The following C1QTNF1 variants were observed in gnomAD, a reference collection of about 807,000 sequenced individuals.
The protein encoded by C1QTNF1 is C1q and TNF related 1, also known as complement C1q tumor necrosis factor-related protein 1.
Under a neutral mutation model 27.8 loss-of-function variants are expected in C1QTNF1, and 22 were observed. The ratio of observed to expected loss-of-function variants is 0.79; its 90% CI spans 0.56 to 1.13. C1QTNF1 has a LOEUF of 1.13. Among genes scored for constraint, C1QTNF1 ranks in the 50% most tolerant of loss-of-function variants. The probability of loss-of-function intolerance (pLI) is 0.00; values close to 1 mark genes in which losing one functional copy is unlikely to be tolerated. For synonymous variants in C1QTNF1, 166 were observed against 154.3 expected (o/e 1.08, Z -0.56); for missense variants, 373 against 380.2 (o/e 0.98, Z 0.16).
chr17:79,049,240 G>A lies in C1QTNF1; in HGVS notation c.*1152G>A, dbSNP rs1472349596. 1.3e-5 allele frequency: 2 copies of A among 152,472 alleles called. No homozygotes were observed. The highest frequency in any genetic ancestry group is 3.4e-3 in the Middle Eastern group (1 of 296). The allele number at this position is 152,472 out of a possible 1,614,324, so 9.4% of individuals were successfully genotyped here. On this transcript the variant is annotated 3_prime_UTR_variant, in exon 4 of 4. Transcript: ENST00000579760. The surrounding 1 kb of genome is among the most constrained non-coding windows in gnomAD (Gnocchi z 4.4). ...TTCAGAGCAGGGGAGAGCTGGAAGGGGCTAGAAAGCTCCCGCTTGTCTGTT... is the reference window on the plus strand; with the variant it reads ...TTCAGAGCAGGGGAGAGCTGGAAGGAGCTAGAAAGCTCCCGCTTGTCTGTT...
intron 1 of C1QTNF1, among the ~76,000 whole-genome samples, chr17:79,026,164 T>C (rs998325632): frequency 6.7e-6 from 1 of 149,354 alleles, no homozygotes; most frequent in African/African-American, 2.4e-5. Flanking sequence ...ATATGCTTCT[T>C]TTTTTTTTTG....
Position 79,046,426 on chromosome 17 carries a change from G to A in C1QTNF1, c.156-129G>A. The A allele has an allele frequency of 1.5e-6, 2 of 1,304,862 alleles. No individual in the cohort carries two copies. Among genetic ancestry groups the A allele is most frequent in the Non-Finnish European group, 2.1e-6 (2 of 930,530 alleles). 80.8% of individuals were successfully genotyped at this position (1,304,862 alleles called of 1,614,324 possible). A position where few individuals can be genotyped will look rare whatever the true frequency, so the allele number is the denominator to read the frequency against. ...CCGTGAGCCCACCAGCGTGAACACAGAGCCTTGTGGGTCCAGGTGAGAGAG... is the reference window on the plus strand; with the variant it reads ...CCGTGAGCCCACCAGCGTGAACACAAAGCCTTGTGGGTCCAGGTGAGAGAG... On this transcript the variant is annotated intron_variant, in intron 2 of 3. Transcript: ENST00000579760. This position sits in a 1 kb window ranked among gnomAD's most constrained non-coding sequence, Gnocchi z 4.8.
chr17:79,034,759 C>G (rs1332033257), intron 1 of C1QTNF1, among the ~76,000 whole-genome samples: 1 of 152,234 alleles, frequency 6.6e-6, no homozygotes, highest in Non-Finnish European at 1.5e-5. Flanking sequence ...ACACCTAAGC[C>G]TTAAAAACAA....
chr17:79,048,321 T>G lies in C1QTNF1; in HGVS notation c.*233T>G. On this transcript the variant is annotated 3_prime_UTR_variant, in exon 4 of 4. Transcript: ENST00000579760. ...CACCCGCGAGAACCCTCTGGGACCT[T>G]CCGCGGCCCTCTCTGCACACATCCT... The G allele has an allele frequency of 2.0e-6, 1 of 509,794 alleles. No homozygotes were observed. The highest frequency in any genetic ancestry group is 3.7e-5 in the Admixed American group (1 of 26,826). The allele number at this position is 509,794 out of a possible 1,614,324, so 31.6% of individuals were successfully genotyped here.
At chr17:79,043,860 A>G (rs1363495306) in intron 1 of C1QTNF1, 95 bp from the exon 2 acceptor site, 2 of 1,417,644 alleles carry the variant, frequency 1.4e-6, no homozygotes, top group South Asian at 2.3e-5. Flanking sequence ...AGCACCTCCG[A>G]TTTCCAGGCT....
At chr17:79,040,593 C>T (rs890867517) in intron 1 of C1QTNF1, among the ~76,000 whole-genome samples, 1 of 151,624 alleles carries the variant, frequency 6.6e-6, no homozygotes, top group Non-Finnish European at 1.5e-5. Context: ...TGCAGCCCCC[C>T]TGCTCAAAAA....
chr17:79,028,307 A>C (rs971424171), intron 1 of C1QTNF1, among the ~76,000 whole-genome samples: 2 of 152,210 alleles, frequency 1.3e-5, no homozygotes, highest in African/African-American at 4.8e-5. Flanking sequence ...CATCCCCCTC[A>C]GCAAGACATC....
rs370429681 is a variant in C1QTNF1 at position 79,044,864 on chromosome 17, A to T, written c.155+741A>T. ...GGCTTCAGACTAACTTCAGTGTACG[A>T]TGGGATTGGACAGGATTTGAGGTTG... is the stretch of plus-strand genomic sequence containing the variant. On this transcript the variant is annotated intron_variant, in intron 2 of 3. Transcript: ENST00000579760. Among the ~76,000 whole-genome samples the T allele has an allele frequency of 3.2e-4, 49 of 152,236 alleles. No homozygotes were observed. In the East Asian group the frequency reaches 6.6e-3, roughly 20 times the overall value.
chr17:79,043,404 AGTGTGAGTGTAT>A, intron 1 of C1QTNF1: 1 of 447,708 alleles, frequency 2.2e-6, no homozygotes, highest in South Asian at 1.6e-5. Flanking sequence ...TGTGCATGTG[AGTGTGAGTGTAT>A]GTGTGTTGAC....
intron 1 of C1QTNF1, among the ~76,000 whole-genome samples, chr17:79,035,820 G>A (rs75167679): frequency 0.023 from 3,572 of 152,286 alleles, 120 homozygotes; most frequent in African/African-American, 0.081. Flanking sequence ...GTAAACTGGG[G>A]GCGGGGGCAA....
intron 1 of C1QTNF1, among the ~76,000 whole-genome samples, chr17:79,029,682 C>T (rs1014160235): frequency 6.6e-6 from 1 of 152,230 alleles, no homozygotes; most frequent in Non-Finnish European, 1.5e-5. Context: ...CTGCAGGCCA[C>T]CGGCCCTACT....
intron 1 of C1QTNF1, among the ~76,000 whole-genome samples, chr17:79,027,178 C>T (rs2071991824): frequency 6.6e-6 from 1 of 152,094 alleles, no homozygotes; most frequent in South Asian, 2.1e-4. Context: ...TACACCATCC[C>T]CTGGACGATC....
rs190979911 is a variant in C1QTNF1, at chr17:79,026,443, C to T, written c.-15+1949C>T. Among the ~76,000 whole-genome samples the T allele has an allele frequency of 4.3e-3, 662 of 152,288 alleles. 4 individuals are homozygous for T. The highest frequency in any genetic ancestry group is 0.015 in the African/African-American group (624 of 41,556). ...TGCTGGGATTACAGGGGTGAGCCACCGCGCCTGGCCTCCGGGGCGTATACT... is the reference window on the plus strand; with the variant it reads ...TGCTGGGATTACAGGGGTGAGCCACTGCGCCTGGCCTCCGGGGCGTATACT... On this transcript the variant is annotated intron_variant, in intron 1 of 3. Coordinates refer to ENST00000579760, the MANE Select transcript of C1QTNF1 (RefSeq NM_030968.5).
At chr17:79,023,370 A>G (rs1212394648), upstream of C1QTNF1, among the ~76,000 whole-genome samples, 2 of 152,208 alleles carry the variant, frequency 1.3e-5, no homozygotes, top group Non-Finnish European at 2.9e-5. Context: ...GGGCTGACGC[A>G]GAGTCTAGGG....
intron 1 of C1QTNF1, among the ~76,000 whole-genome samples, chr17:79,035,364 G>A (rs2072239599): frequency 2.0e-5 from 3 of 152,106 alleles, no homozygotes; most frequent in Non-Finnish European, 4.4e-5. Flanking sequence ...TGGCACGAAG[G>A]GGTGGTGATG....
In C1QTNF1 at chr17:79,046,439, C is replaced by G; in HGVS notation, c.156-116C>G. 7.1e-7 allele frequency: 1 copy of G among 1,405,826 alleles called. No homozygotes were observed. Among genetic ancestry groups the G allele is most frequent in the Non-Finnish European group, 9.9e-7 (1 of 1,014,092 alleles). 87.1% of individuals were successfully genotyped at this position (1,405,826 alleles called of 1,614,324 possible). A position where few individuals can be genotyped will look rare whatever the true frequency, so the allele number is the denominator to read the frequency against. ...AGCGTGAACACAGAGCCTTGTGGGT[C>G]CAGGTGAGAGAGTGAGAAGGCAGGT... On this transcript the variant is annotated intron_variant, in intron 2 of 3. Coordinates refer to ENST00000579760, the MANE Select transcript of C1QTNF1 (RefSeq NM_030968.5). The surrounding 1 kb of genome is among the most constrained non-coding windows in gnomAD (Gnocchi z 4.8).
chr17:79,036,150 A>T (rs1293342941), intron 1 of C1QTNF1, among the ~76,000 whole-genome samples: 1 of 152,188 alleles, frequency 6.6e-6, no homozygotes, highest in Non-Finnish European at 1.5e-5. Flanking sequence ...ACTTTCCAAC[A>T]TGGTAACCAC....
At chr17:79,047,238 C>CTTTTTTTTTTTTTTTTTTT (rs372840829) in intron 3 of C1QTNF1, 2 of 277,610 alleles carry the variant, frequency 7.2e-6, no homozygotes, top group South Asian at 1.7e-4. Context: ...TTTTTCTTTT[C>CTTTTTTTTTTTTTTTTTTT]TTTTTTTTTT....
In C1QTNF1 at chr17:79,046,451, G is replaced by A. The variant is rs2072575002; in HGVS notation, c.156-104G>A. On this transcript the variant is annotated intron_variant, in intron 2 of 3. Coordinates refer to ENST00000579760, the MANE Select transcript of C1QTNF1 (RefSeq NM_030968.5). This position sits in a 1 kb window ranked among gnomAD's most constrained non-coding sequence, Gnocchi z 4.8. ...GAGCCTTGTGGGTCCAGGTGAGAGA[G>A]TGAGAAGGCAGGTCAGGCATGCCAG... 3 of 1,489,410 alleles carry A rather than the reference G, an allele frequency of 2.0e-6. No homozygotes were observed. The highest frequency in any genetic ancestry group is 1.8e-5 in the Admixed American group (1 of 56,646). 92.3% of individuals were successfully genotyped at this position (1,489,410 alleles called of 1,614,324 possible).
Sources: allele counts gnomAD v4.1 joint callset (sites outside exome capture counted in the v4.1 genomes callset), GRCh38; gene constraint gnomAD v4.1.1; non-coding constraint Gnocchi (gnomAD v3.1); transcripts MANE v1.5; gene names NCBI Gene and HGNC (gene_info 2026-07-23, HGNC 2026-07-21).